Variants in HBE1 observed in about 807,000 individuals in gnomAD.
The protein encoded by HBE1 is hemoglobin subunit epsilon 1.
In HBE1, 10 loss-of-function variants were observed where a neutral mutation model predicts 12.1. The ratio of observed to expected loss-of-function variants is 0.83; its 90% confidence interval spans 0.51 to 1.40. The LOEUF (loss-of-function observed/expected upper bound fraction) is 1.40. Among genes scored for constraint, HBE1 ranks in the 40% most tolerant of loss-of-function variants. The probability of loss-of-function intolerance (pLI) is 0.00; values close to 1 mark genes in which losing one functional copy is unlikely to be tolerated. For synonymous variants in HBE1, 78 were observed against 70.4 expected, an observed-to-expected ratio of 1.11 and a Z score of -0.54; for missense variants, 172 against 175.8, an observed-to-expected ratio of 0.98 and a Z score of 0.12.
intron 2 of HBE1, 36 bp from the exon 3 acceptor site, chr11:5,268,633 T>A (rs202026952): frequency 6.2e-7 from 1 of 1,601,570 alleles, no homozygotes; most frequent in African/African-American, 1.3e-5. Context: ...CACAGGCATG[T>A]TGAGTAGAAG....
intron 2 of HBE1, 117 bp downstream of exon 2, chr11:5,269,337 C>T: frequency 1.2e-6 from 1 of 819,516 alleles, no homozygotes; most frequent in Admixed American, 1.8e-5. Context: ...GCTGTTCTAA[C>T]ATCAAGCTCG....
At chr11:5,268,744 G>A in intron 2 of HBE1, 147 bp from the exon 3 acceptor site, 1 of 703,692 alleles carries the variant, frequency 1.4e-6, no homozygotes. Context: ...CAAGGTTTGT[G>A]CCCACCCAAA....
rs202129332 is a variant in HBE1, at chr11:5,269,559, A to G, written c.210T>C (p.Thr70=). ...KVKAHGKKVL[T]SFGDAIKNMD... ...TGTTTTTAATAGCATCTCCAAAGGA[A>G]GTCAGCACCTTCTTGCCATGGGCCT... Residue 70 remains threonine (T), a synonymous_variant, in exon 2 of 3, where the codon ACT becomes ACC. Transcript: ENST00000396895. The G allele has an allele frequency of 6.2e-7, 1 of 1,613,904 alleles. No individual in the cohort carries two copies. Among genetic ancestry groups the G allele is most frequent in the Non-Finnish European group, 8.5e-7 (1 of 1,179,898 alleles).
chr11:5,268,745 CCCA>C, intron 2 of HBE1, 148 bp from the exon 3 acceptor site: 1 of 698,262 alleles, frequency 1.4e-6, no homozygotes, highest in Non-Finnish European at 2.4e-6. Flanking sequence ...AAGGTTTGTG[CCCA>C]CCCAAAAAAT....
chr11:5,268,649 G>A (rs117750549), intron 2 of HBE1, 52 bp from the exon 3 acceptor site: 28 of 1,482,700 alleles, frequency 1.9e-5, no homozygotes, highest in Non-Finnish European at 2.6e-5. Context: ...AGAAGTTTCC[G>A]AAAACAACTT....
At position 5,268,924 on chromosome 11, in the gene HBE1, G is replaced by C. The variant is rs573210354; in HGVS notation, c.316-327C>G. The stretch of plus-strand genomic sequence containing the variant: ...TTTGTAAATGTAGAATGTGAGTGCT[G>C]CAAGAGTTCTCAGCGGGAGTTTAAA... On this transcript the variant is annotated intron_variant, in intron 2 of 2. Coordinates refer to ENST00000396895, the MANE Select transcript of HBE1 (RefSeq NM_005330.4). Among the ~76,000 whole-genome samples, 62 of 152,278 alleles carry C rather than the reference G, an allele frequency of 4.1e-4. No individual in the cohort carries two copies. In the Middle Eastern group the frequency reaches 0.01, roughly 25 times the overall value.
In HBE1 at chr11:5,269,800, T is replaced by C; in HGVS notation, c.91A>G (p.Arg31Gly). 6.2e-7 allele frequency: 1 copy of C among 1,611,066 alleles called. No homozygotes were observed. The highest frequency in any genetic ancestry group is 8.5e-7 in the Non-Finnish European group (1 of 1,177,196). Reference sequence around the variant, plus strand: ...CATGCATTGAGAACCAATGCTTACCTGCCCAAGGCTTCACCTCCAGCCTCT... The same window carrying C: ...CATGCATTGAGAACCAATGCTTACCCGCCCAAGGCTTCACCTCCAGCCTCT... ...VEEAGGEALGRLLVVYPWTQR... is the reference protein window; with the variant it reads ...VEEAGGEALGGLLVVYPWTQR... Residue 31 changes from arginine (R) to glycine (G), a missense_variant and splice_region_variant, in exon 1 of 3, where the codon AGA becomes GGA. By Grantham distance (125) the Arg-to-Gly change is moderately radical. Transcript: ENST00000396895.
At chr11:5,268,737 G>C in intron 2 of HBE1, 140 bp from the exon 3 acceptor site, 2 of 746,466 alleles carry the variant, frequency 2.7e-6, no homozygotes, top group South Asian at 3.7e-5. Context: ...ACTGTTCCAA[G>C]GTTTGTGCCC....
rs2213165 is a variant in HBE1 at position 5,268,447 on chromosome 11, C to T, written c.*22G>A. 10 of 1,609,336 alleles carry T rather than the reference C, an allele frequency of 6.2e-6. No homozygotes were observed. Among genetic ancestry groups the T allele is most frequent in the Admixed American group, 3.3e-5 (2 of 59,824 alleles). ...AAGGAGGGTGTCAGGGTCACAGGAA[C>T]ACCTGCAAACTGGAAGAGAACTCAG... On this transcript the variant is annotated 3_prime_UTR_variant, in exon 3 of 3. Transcript: ENST00000396895.
chr11:5,268,661 A>G, intron 2 of HBE1, 64 bp from the exon 3 acceptor site: 1 of 1,408,102 alleles, frequency 7.1e-7, no homozygotes, highest in African/African-American at 2.2e-5. Flanking sequence ...AAACAACTTG[A>G]TGAAAAAACA....
chr11:5,269,562 C>G lies in HBE1; in HGVS notation c.207G>C (p.Leu69=), dbSNP rs1189514186. Residue 69 remains leucine, a synonymous_variant, in exon 2 of 3, where the codon CTG becomes CTC. Coordinates refer to ENST00000396895, the MANE Select transcript of HBE1 (RefSeq NM_005330.4). ...PKVKAHGKKV[L]TSFGDAIKNM... is the part of the protein sequence containing the mutation. ...TTTTAATAGCATCTCCAAAGGAAGT[C>G]AGCACCTTCTTGCCATGGGCCTTGA... 6.2e-7 allele frequency: 1 copy of G among 1,613,992 alleles called. No individual in the cohort carries two copies. Among genetic ancestry groups the G allele is most frequent in the Non-Finnish European group, 8.5e-7 (1 of 1,179,876 alleles).
intron 2 of HBE1, 69 bp from the exon 3 acceptor site, chr11:5,268,666 A>AAAAC (rs3061750): frequency 0.74 from 795,079 of 1,074,186 alleles, 306,383 homozygotes; most frequent in African/African-American, 0.9. Flanking sequence ...ACTTGATGAA[A>AAAAC]AAACAAACAA....
At chr11:5,268,965 G>T (rs1442570068) in intron 2 of HBE1, among the ~76,000 whole-genome samples, 1 of 152,030 alleles carries the variant, frequency 6.6e-6, no homozygotes, top group Non-Finnish European at 1.5e-5. Context: ...CAACAAATTC[G>T]GAAACAAGCC....
At chr11:5,268,847 A>G (rs1848161971) in intron 2 of HBE1, among the ~76,000 whole-genome samples, 2 of 152,056 alleles carry the variant, frequency 1.3e-5, no homozygotes, top group East Asian at 3.9e-4. Flanking sequence ...CCATTTTACC[A>G]GTATTATTGG....
intron 2 of HBE1, 54 bp downstream of exon 2, chr11:5,269,400 A>C: frequency 8.3e-7 from 1 of 1,203,972 alleles, no homozygotes. Flanking sequence ...TATGAGCTTC[A>C]ATTAATGTCA....
chr11:5,268,722 C>T, intron 2 of HBE1, 125 bp from the exon 3 acceptor site: 1 of 863,824 alleles, frequency 1.2e-6, no homozygotes, highest in Non-Finnish European at 1.8e-6. Flanking sequence ...CAACCCTGAC[C>T]TCAAACTGTT....
chr11:5,268,398 GC>G lies in HBE1; in HGVS notation c.*70del. 1.4e-6 allele frequency: 2 copies of G among 1,429,426 alleles called. No individual in the cohort carries two copies. The highest frequency in any genetic ancestry group is 1.9e-6 in the Non-Finnish European group (2 of 1,039,528). The allele number at this position is 1,429,426 out of a possible 1,614,324, so 88.5% of individuals were successfully genotyped here. A position where few individuals can be genotyped will look rare whatever the true frequency, so the allele number is the denominator to read the frequency against. ...ATTAAACAGAAGGCTTTCTCTCAAG[GC>G]CAAGCCCAGTCCCCATGTGCAGAAG... On this transcript the variant is annotated 3_prime_UTR_variant, in exon 3 of 3. Coordinates refer to ENST00000396895, the MANE Select transcript of HBE1 (RefSeq NM_005330.4).
chr11:5,269,726 T>C, intron 1 of HBE1, 50 bp from the exon 2 acceptor site: 1 of 1,576,778 alleles, frequency 6.3e-7, no homozygotes, highest in Non-Finnish European at 8.7e-7. Context: ...CAAAAAATCT[T>C]GAGGACTTTC....
rs1421892805 is a variant in HBE1, at chr11:5,269,866, T to C, written c.25A>G (p.Lys9Glu). 2 of 1,613,528 alleles carry C rather than the reference T, an allele frequency of 1.2e-6. No individual in the cohort carries two copies. The highest frequency in any genetic ancestry group is 1.7e-6 in the Non-Finnish European group (2 of 1,179,692). The change falls in exon 1 of 3, where the codon AAG becomes GAG. Residue 9 changes from lysine to glutamate, a missense_variant. Coordinates refer to ENST00000396895, the MANE Select transcript of HBE1 (RefSeq NM_005330.4). ...CTCCACAGGCTAGTGACGGCAGCCTTCTCCTCAGCAGTAAAATGCACCATG... is the reference window on the plus strand; with the variant it reads ...CTCCACAGGCTAGTGACGGCAGCCTCCTCCTCAGCAGTAAAATGCACCATG... The part of the protein sequence containing the change: MVHFTAEE[K>E]AAVTSLWSKM...
Sources: allele counts gnomAD v4.1 joint callset (sites outside exome capture counted in the v4.1 genomes callset), GRCh38; gene constraint gnomAD v4.1.1; transcripts MANE v1.5; gene names NCBI Gene and HGNC (gene_info 2026-07-23, HGNC 2026-07-21).